Variants in CSMD3 observed in about 807,000 individuals in gnomAD.
CSMD3 encodes the protein CUB and Sushi multiple domains 3, also known as CUB and sushi domain-containing protein 3.
Under a neutral mutation model 435.2 loss-of-function variants are expected in CSMD3, and 177 were observed. The observed-to-expected ratio is 0.41, with a 90% CI of 0.36 to 0.46. The LOEUF (loss-of-function observed/expected upper bound fraction) is 0.46. CSMD3 is among the 20% of genes least tolerant of loss of function. The pLI, the probability that CSMD3 is intolerant of heterozygous loss-of-function variation, is 0.34. For missense variants in CSMD3, 4,265 were observed against 4,504.6 expected, an observed-to-expected ratio of 0.95 and a Z score of 1.52; for synonymous variants, 1,656 against 1,520.5, an observed-to-expected ratio of 1.09 and a Z score of -2.07.
intron 13 of CSMD3, among the ~76,000 whole-genome samples, chr8:112,764,894 T>G (rs2077935777): frequency 6.6e-6 from 1 of 151,412 alleles, no homozygotes. Flanking sequence ...TGAGGGGATA[T>G]CAGAAGAAGA....
At chr8:112,863,799 T>A (rs1194497076) in intron 10 of CSMD3, among the ~76,000 whole-genome samples, 2 of 152,006 alleles carry the variant, frequency 1.3e-5, no homozygotes, top group East Asian at 3.9e-4. Flanking sequence ...TTTGAGAAAT[T>A]CAGCTGAAAT....
intron 9 of CSMD3, among the ~76,000 whole-genome samples, chr8:112,942,471 A>C (rs2083480755): frequency 6.6e-6 from 1 of 151,878 alleles, no homozygotes; most frequent in South Asian, 2.1e-4. Context: ...CAAAATGATC[A>C]TTAGTGATAG....
chr8:112,522,734 C>T (rs1252492751), intron 27 of CSMD3, among the ~76,000 whole-genome samples: 2 of 151,720 alleles, frequency 1.3e-5, no homozygotes, highest in African/African-American at 4.8e-5. Flanking sequence ...TATGAATAAC[C>T]TAGGGTTTGT....
intron 22 of CSMD3, among the ~76,000 whole-genome samples, chr8:112,606,976 A>G (rs1447864225): frequency 7.0e-5 from 3 of 42,776 alleles, no homozygotes; most frequent in South Asian, 8.1e-4. Flanking sequence ...AGCTATGAAA[A>G]AAAAAAAAAA....
intron 61 of CSMD3, 42 bp downstream of exon 61, chr8:112,263,597 T>G: frequency 6.3e-7 from 1 of 1,580,126 alleles, no homozygotes. Context: ...TAGAAAAATT[T>G]GAAAATTTTA....
intron 27 of CSMD3, among the ~76,000 whole-genome samples, chr8:112,527,042 A>T (rs1825044902): frequency 6.6e-6 from 1 of 152,084 alleles, no homozygotes; most frequent in South Asian, 2.1e-4. Context: ...AGAAAAAAGT[A>T]ACAATTAACA....
rs774543951 is a variant in CSMD3, at chr8:112,517,213, G to A, written c.4577C>T (p.Thr1526Ile). 2 of 1,613,420 alleles carry A rather than the reference G, an allele frequency of 1.2e-6. No individual in the cohort carries two copies. The highest frequency in any genetic ancestry group is 2.2e-5 in the South Asian group (2 of 91,072). ...GGGGACCCCTGGGTCACGACACGCA[G>A]TGGCAACAGAACCTATCAAAAGACA... The part of the protein sequence containing the change: ...FAIQFSSSVA[T>I]ACRDPGVPMN... Residue 1526 changes from threonine to isoleucine, a missense_variant, in exon 28 of 71, where the codon ACT becomes ATT. This residue lies in a region of CSMD3 where 3,255 missense variants were observed against 3,380.2 expected (regional missense o/e 0.96). Coordinates refer to ENST00000297405, the MANE Select transcript of CSMD3 (RefSeq NM_198123.2).
chr8:112,990,587 A>C (rs1192692992), intron 6 of CSMD3, among the ~76,000 whole-genome samples: 1 of 151,958 alleles, frequency 6.6e-6, no homozygotes, highest in Non-Finnish European at 1.5e-5. Flanking sequence ...GTGAAAAGAA[A>C]ATAAGTAAAT....
At position 112,337,535 on chromosome 8, in the gene CSMD3, A is replaced by C. The variant is rs1232396397; in HGVS notation, c.6841+8T>G. The C allele has an allele frequency of 2.5e-6, 4 of 1,610,342 alleles. No individual in the cohort carries two copies. The highest frequency in any genetic ancestry group is 3.4e-6 in the Non-Finnish European group (4 of 1,176,572). On this transcript the variant is annotated splice_region_variant and intron_variant, in intron 43 of 70. Coordinates refer to ENST00000297405, the MANE Select transcript of CSMD3 (RefSeq NM_198123.2). ...CACCTAAAAGATAGCTTCAAGTTAGAAGCATACCTTCACACCTTGGAAGTG... is the reference window on the plus strand; with the variant it reads ...CACCTAAAAGATAGCTTCAAGTTAGCAGCATACCTTCACACCTTGGAAGTG...
At chr8:113,237,628 G>A (rs2093164613) in intron 3 of CSMD3, among the ~76,000 whole-genome samples, 1 of 149,380 alleles carries the variant, frequency 6.7e-6, no homozygotes, top group African/African-American at 2.5e-5. Flanking sequence ...GTCTCTAGAT[G>A]AATTACTCAG....
intron 3 of CSMD3, among the ~76,000 whole-genome samples, chr8:113,252,779 C>T (rs2093345713): frequency 6.6e-6 from 1 of 152,084 alleles, no homozygotes; most frequent in Non-Finnish European, 1.5e-5. Flanking sequence ...CAGATGGATA[C>T]ATGAATTTCA....
intron 24 of CSMD3, among the ~76,000 whole-genome samples, chr8:112,572,475 A>C (rs555421660): frequency 6.6e-6 from 1 of 152,048 alleles, no homozygotes; most frequent in Non-Finnish European, 1.5e-5. Flanking sequence ...TCTTTACACA[A>C]ATTATAATTT....
chr8:113,433,655 C>T (rs764889738), intron 1 of CSMD3, among the ~76,000 whole-genome samples: 1 of 152,232 alleles, frequency 6.6e-6, no homozygotes, highest in African/African-American at 2.4e-5. Flanking sequence ...CTGCTGCCTA[C>T]CCAGAGATCT....
intron 37 of CSMD3, among the ~76,000 whole-genome samples, chr8:112,381,711 G>A (rs2087793): frequency 0.034 from 5,159 of 152,134 alleles, 138 homozygotes; most frequent in Middle Eastern, 0.12. Context: ...AACTTAAAAG[G>A]TCATTTCACC....
chr8:113,062,405 T>C (rs961014575), intron 5 of CSMD3, among the ~76,000 whole-genome samples: 1 of 151,956 alleles, frequency 6.6e-6, no homozygotes, highest in East Asian at 1.9e-4. Flanking sequence ...AACAGTTCAG[T>C]ATATTTTATC....
intron 1 of CSMD3, among the ~76,000 whole-genome samples, chr8:113,390,790 T>C (rs1453593911): frequency 6.6e-6 from 1 of 151,998 alleles, no homozygotes; most frequent in African/African-American, 2.4e-5. Context: ...CATTGTTCTC[T>C]GATGAGTTTA....
chr8:112,545,501 A>AAAT lies in CSMD3; in HGVS notation c.4564+5167_4564+5169dup, dbSNP rs1157955064. Among the ~76,000 whole-genome samples the AAAT allele has an allele frequency of 1.4e-3, 168 of 122,658 alleles. 1 individual carries two copies. Among genetic ancestry groups the AAAT allele is most frequent in the African/African-American group, 3.1e-3 (100 of 32,190 alleles). 80.5% of individuals were successfully genotyped at this position (122,658 alleles called of 152,430 possible). A position where few individuals can be genotyped will look rare whatever the true frequency, so the allele number is the denominator to read the frequency against. Reference sequence around the variant, plus strand: ...CCATCTCAAAAAAAAAAAAAAAAAAAAATAATAATAATAATAATAATAATA... The same window carrying AAAT: ...CCATCTCAAAAAAAAAAAAAAAAAAAAATAATAATAATAATAATAATAATAATA... On this transcript the variant is annotated intron_variant, in intron 27 of 70. Transcript: ENST00000297405.
At chr8:113,180,981 A>T (rs2092414240) in intron 3 of CSMD3, among the ~76,000 whole-genome samples, 1 of 152,064 alleles carries the variant, frequency 6.6e-6, no homozygotes, top group African/African-American at 2.4e-5. Flanking sequence ...AAAAAGGTTC[A>T]GAGTTGCTAA....
At chr8:113,373,158 G>C (rs1383048629) in intron 1 of CSMD3, among the ~76,000 whole-genome samples, 4 of 152,114 alleles carry the variant, frequency 2.6e-5, no homozygotes, top group Non-Finnish European at 4.4e-5. Flanking sequence ...CAACAGTAAA[G>C]GAAAAAATTT....
Sources: gnomAD v4.1 joint callset for allele counts (sites outside exome capture counted in the v4.1 genomes callset) on GRCh38, gnomAD v4.1.1 for gene constraint, gnomAD v4.1.1 regional missense constraint, MANE v1.5 for transcripts, NCBI Gene and HGNC (gene_info 2026-07-23, HGNC 2026-07-21) for gene names.